The following PCIF1 variants were observed in gnomAD, a reference collection of about 807,000 sequenced individuals.
PCIF1 encodes mRNA (2'-O-methyladenosine-N(6)-)-methyltransferase.
A neutral mutation model predicts 86.9 loss-of-function variants in PCIF1; 12 were observed. The observed-to-expected ratio is 0.14, with a 90% CI of 0.09 to 0.22. The LOEUF (loss-of-function observed/expected upper bound fraction) is 0.22. Ranked by LOEUF, PCIF1 falls within the 10% of genes least tolerant of loss-of-function variation. The pLI, the probability that PCIF1 is intolerant of heterozygous loss-of-function variation, is 1.00. For synonymous variants in PCIF1, 397 were observed against 372.0 expected (o/e 1.07, Z -0.77); for missense variants, 701 against 951.1 (o/e 0.74, Z 3.46).
intron 1 of PCIF1, among the ~76,000 whole-genome samples, 172 bp downstream of exon 1, chr20:45,934,976 A>G (rs2083404464): frequency 6.6e-6 from 1 of 151,878 alleles, no homozygotes; most frequent in African/African-American, 2.4e-5. Flanking sequence ...CGGTGGCCGA[A>G]GTGAGGGAGG....
rs1395382448 is a variant in PCIF1, at chr20:45,939,038, G to A, written c.39G>A (p.Ala13=). Residue 13 remains alanine, a synonymous_variant, in exon 3 of 17, where the codon GCG becomes GCA. Transcript: ENST00000372409. ...NENHGSPREE[A]SLLSHSPGTS... ...ATCACGGCAGCCCCCGGGAGGAAGC[G>A]TCCCTGCTGAGTCACTCCCCAGGTA... 4.3e-6 allele frequency: 7 copies of A among 1,613,908 alleles called. No individual in the cohort carries two copies. The highest frequency in any genetic ancestry group is 2.7e-5 in the African/African-American group (2 of 74,858).
rs888404239 is a variant in PCIF1, at chr20:45,940,422, T to C, written c.250-53T>C. 23 of 1,530,014 alleles carry C rather than the reference T, an allele frequency of 1.5e-5. No individual in the cohort carries two copies. The Middle Eastern group carries it at 8.6e-4, about 57-fold the overall frequency. 94.8% of individuals were successfully genotyped at this position (1,530,014 alleles called of 1,614,324 possible). A position where few individuals can be genotyped will look rare whatever the true frequency, so the allele number is the denominator to read the frequency against. On this transcript the variant is annotated intron_variant, in intron 4 of 16. Coordinates refer to ENST00000372409, the MANE Select transcript of PCIF1 (RefSeq NM_022104.4). ...GAGGGCGTGAGGATTCAAAGTCCTG[T>C]GGCTCCTAAGCCGCTGGCCCTGGTT...
At position 45,940,879 on chromosome 20, in the gene PCIF1, T is replaced by C. The variant is rs779862839; in HGVS notation, c.458T>C (p.Leu153Pro). 6 of 1,614,130 alleles carry C rather than the reference T, an allele frequency of 3.7e-6. No individual in the cohort carries two copies. Among genetic ancestry groups the C allele is most frequent in the Non-Finnish European group, 5.1e-6 (6 of 1,180,000 alleles). The change falls in exon 6 of 17, where the codon CTG (leucine) becomes CCG (proline). Residue 153 changes from leucine (L) to proline (P), a missense_variant. By Grantham distance (98) the Leu-to-Pro change is moderately conservative (BLOSUM62 -3). Around this residue, in one of 7 missense-constraint regions of PCIF1, gnomAD observed 125 missense variants for 126.8 expected, o/e 0.99. Coordinates refer to ENST00000372409, the MANE Select transcript of PCIF1 (RefSeq NM_022104.4). ...SSPSIPGTPT[L>P]KMWGTSPEDK... ...CCCAGTATCCCAGGAACCCCAACGCTGAAGATGTGGGGTACGTCCCCTGAA... is the reference window on the plus strand; with the variant it reads ...CCCAGTATCCCAGGAACCCCAACGCCGAAGATGTGGGGTACGTCCCCTGAA...
rs746131827 is a variant in PCIF1, at chr20:45,943,407, C to T, written c.889C>T (p.Arg297Trp). The change falls in exon 9 of 17, where the codon CGG (arginine) becomes TGG (tryptophan). Residue 297 changes from arginine (R) to tryptophan (W), a missense_variant. Physicochemically the swap from Arg to Trp is moderately radical, Grantham distance 101. Coordinates refer to ENST00000372409, the MANE Select transcript of PCIF1 (RefSeq NM_022104.4). The surrounding 1 kb of genome is among the most constrained non-coding windows in gnomAD (Gnocchi z 5.5). Reference sequence around the variant, plus strand: ...CTTTAAATATGCGGAGGCCGCCAGGCGGCTCATCGAGTCCAGGTTTGCCTG... The same window carrying T: ...CTTTAAATATGCGGAGGCCGCCAGGTGGCTCATCGAGTCCAGGTTTGCCTG... ...LLFKYAEAAR[R>W]LIESRSASPD... 6.8e-6 allele frequency: 11 copies of T among 1,613,212 alleles called. No homozygotes were observed. Among genetic ancestry groups the T allele is most frequent in the South Asian group, 4.4e-5 (4 of 91,052 alleles).
At chr20:45,938,725 A>C (rs2083445521) in intron 2 of PCIF1, among the ~76,000 whole-genome samples, 1 of 152,068 alleles carries the variant, frequency 6.6e-6, no homozygotes, top group South Asian at 2.1e-4. Context: ...TTCCTGGAGG[A>C]TGTGAACCCA....
At position 45,943,816 on chromosome 20, in the gene PCIF1, TC is replaced by T. The variant is rs1346792464; in HGVS notation, c.1005+53del. 3 of 1,468,770 alleles carry T rather than the reference TC, an allele frequency of 2.0e-6. No homozygotes were observed. The highest frequency in any genetic ancestry group is 2.8e-6 in the Non-Finnish European group (3 of 1,075,814). The allele number at this position is 1,468,770 out of a possible 1,614,324, so 91.0% of individuals were successfully genotyped here. A position where few individuals can be genotyped will look rare whatever the true frequency, so the allele number is the denominator to read the frequency against. On this transcript the variant is annotated intron_variant, in intron 10 of 16. Transcript: ENST00000372409. This position sits in a 1 kb window ranked among gnomAD's most constrained non-coding sequence, Gnocchi z 5.5. Reference sequence around the variant, plus strand: ...CCAGTTTTAGGGCTCTGTGGCCACTTCCTCCAGGAAGCCTACTCTGCCTGTC... The same window carrying T: ...CCAGTTTTAGGGCTCTGTGGCCACTTCTCCAGGAAGCCTACTCTGCCTGTC...
In PCIF1 at chr20:45,938,858, G is replaced by A. The variant is rs2083446500; in HGVS notation, c.-19-123G>A. The A allele has an allele frequency of 6.9e-6, 9 of 1,295,176 alleles. No homozygotes were observed. In the South Asian group the frequency reaches 8.0e-5, roughly 12 times the overall value. 80.2% of individuals were successfully genotyped at this position (1,295,176 alleles called of 1,614,324 possible). A position where few individuals can be genotyped will look rare whatever the true frequency, so the allele number is the denominator to read the frequency against. The stretch of plus-strand genomic sequence containing the variant: ...AGGGCTGCTGTGTGGCACCATGCTG[G>A]CCCTCCAGGATAGGACCTGATTGGA... On this transcript the variant is annotated intron_variant, in intron 2 of 16. Transcript: ENST00000372409.
chr20:45,942,372 T>C (rs1338796580), intron 7 of PCIF1, among the ~76,000 whole-genome samples: 1 of 149,034 alleles, frequency 6.7e-6, no homozygotes, highest in Non-Finnish European at 1.5e-5. Flanking sequence ...TGGAGTGCAA[T>C]GGCACGGTCT....
intron 5 of PCIF1, 36 bp from the exon 6 acceptor site, chr20:45,940,773 T>C (rs2083462731): frequency 8.7e-6 from 14 of 1,606,972 alleles, no homozygotes; most frequent in South Asian, 3.3e-5. Context: ...CTCTGGTGAA[T>C]CTCCTGACTT....
rs562703334 is a variant in PCIF1, at chr20:45,946,470, G to A, written c.1613+86G>A. On this transcript the variant is annotated intron_variant, in intron 14 of 16. Coordinates refer to ENST00000372409, the MANE Select transcript of PCIF1 (RefSeq NM_022104.4). ...CCCGCCTCTGCTGGCTGTAGTGTCAGGCAGGCTTGGGTGGAGTCCCTGCCT... is the reference window on the plus strand; with the variant it reads ...CCCGCCTCTGCTGGCTGTAGTGTCAAGCAGGCTTGGGTGGAGTCCCTGCCT... 1.6e-3 allele frequency: 2,319 copies of A among 1,488,852 alleles called. 6 individuals are homozygous for A. The highest frequency in any genetic ancestry group is 2.0e-3 in the Non-Finnish European group (2,132 of 1,091,072). The allele number at this position is 1,488,852 out of a possible 1,614,324, so 92.2% of individuals were successfully genotyped here.
Position 45,947,700 on chromosome 20 carries a change from A to G in PCIF1, c.2060A>G (p.Lys687Arg), listed in dbSNP as rs1471968537. ...GSSSSSSSEA[K>R]DRDSGREQGP... is the part of the protein sequence containing the mutation. ...TCCTCATCGTCCTCCTCGGAGGCCA[A>G]GGACCGGGACTCGGGCCGTGAGCAG... Residue 687 changes from lysine to arginine, a missense_variant, in exon 17 of 17, where the codon AAG (lysine) becomes AGG (arginine). Around this residue, in one of 7 missense-constraint regions of PCIF1, gnomAD observed 174 missense variants for 206.9 expected, o/e 0.84. Transcript: ENST00000372409. The surrounding 1 kb of genome is among the most constrained non-coding windows in gnomAD (Gnocchi z 5.4). 2.5e-6 allele frequency: 4 copies of G among 1,608,822 alleles called. No homozygotes were observed. The highest frequency in any genetic ancestry group is 3.4e-6 in the Non-Finnish European group (4 of 1,177,396).
chr20:45,938,853 T>C, intron 2 of PCIF1, 128 bp from the exon 3 acceptor site: 2 of 1,247,216 alleles, frequency 1.6e-6, no homozygotes, highest in Admixed American at 1.9e-5. Context: ...TGTGGCACCA[T>C]GCTGGCCCTC....
Position 45,946,427 on chromosome 20 carries a change from G to A in PCIF1, c.1613+43G>A, listed in dbSNP as rs772534656. 1.4e-5 allele frequency: 23 copies of A among 1,594,840 alleles called. No individual in the cohort carries two copies. The South Asian group carries it at 2.3e-4, about 16-fold the overall frequency. ...CCCCTCTACCCAGGCCAGGGAAGAG[G>A]TCCTCCAGAGCACAGGGCCCGCCTC... On this transcript the variant is annotated intron_variant, in intron 14 of 16. Transcript: ENST00000372409.
chr20:45,944,671 G>A (rs1182860122), intron 10 of PCIF1, among the ~76,000 whole-genome samples, 197 bp from the exon 11 acceptor site: 1 of 152,232 alleles, frequency 6.6e-6, no homozygotes, highest in East Asian at 1.9e-4. Context: ...GCCCTGTTAG[G>A]TATCTCGTGT....
Position 45,943,797 on chromosome 20 carries a change from T to C in PCIF1, c.1005+32T>C. 1 of 1,529,528 alleles carries C rather than the reference T, an allele frequency of 6.5e-7. No homozygotes were observed. The highest frequency in any genetic ancestry group is 8.9e-7 in the Non-Finnish European group (1 of 1,128,686). The allele number at this position is 1,529,528 out of a possible 1,614,324, so 94.7% of individuals were successfully genotyped here. On this transcript the variant is annotated intron_variant, in intron 10 of 16. Transcript: ENST00000372409. This position sits in a 1 kb window ranked among gnomAD's most constrained non-coding sequence, Gnocchi z 5.5. ...GGGTCCCCGGGTGAGAAGGCCAGTTTTAGGGCTCTGTGGCCACTTCCTCCA... is the reference window on the plus strand; with the variant it reads ...GGGTCCCCGGGTGAGAAGGCCAGTTCTAGGGCTCTGTGGCCACTTCCTCCA...
At chr20:45,939,453 T>TA (rs1243824915) in intron 4 of PCIF1, 114 bp downstream of exon 4, 1 of 1,457,640 alleles carries the variant, frequency 6.9e-7, no homozygotes, top group Non-Finnish European at 9.3e-7. Context: ...CACCTGCAGA[T>TA]ACAATGACAA....
chr20:45,935,163 C>T (rs1381905029), intron 1 of PCIF1, among the ~76,000 whole-genome samples: 1 of 151,112 alleles, frequency 6.6e-6, no homozygotes, highest in East Asian at 2.0e-4. Flanking sequence ...CCAAACAGCC[C>T]ACCCTCGCTG....
chr20:45,935,757 C>G (rs533459278), intron 1 of PCIF1, among the ~76,000 whole-genome samples: 2 of 152,020 alleles, frequency 1.3e-5, no homozygotes, highest in Non-Finnish European at 1.5e-5. Context: ...AATACAAATT[C>G]TTGTGTGCCT....
chr20:45,945,912 C>T (rs2083520915), intron 12 of PCIF1, 29 bp downstream of exon 12: 4 of 1,613,288 alleles, frequency 2.5e-6, no homozygotes, highest in Admixed American at 3.3e-5. Context: ...AAGGCCCTAG[C>T]TGATGGCATG....
Sources: gnomAD v4.1 joint callset for allele counts (sites outside exome capture counted in the v4.1 genomes callset) on GRCh38, gnomAD v4.1.1 for gene constraint, gnomAD v4.1.1 regional missense constraint, Gnocchi (gnomAD v3.1) non-coding constraint, MANE v1.5 for transcripts, NCBI Gene and HGNC (gene_info 2026-07-23, HGNC 2026-07-21) for gene names.